ACACA: variants seen among roughly 807,000 people sequenced by gnomAD.
The protein encoded by ACACA is acetyl-CoA carboxylase 1.
In ACACA, 103 loss-of-function variants were observed where a neutral mutation model predicts 296.1. That is an observed-to-expected ratio of 0.35 (90% confidence interval 0.30 to 0.41). The LOEUF (loss-of-function observed/expected upper bound fraction) is 0.41, where lower values mean the gene tolerates loss of function less well. Among genes scored for constraint, ACACA ranks in the 10% least tolerant of loss-of-function variants. The pLI is 1.00. For missense variants in ACACA, 1,554 were observed against 2,989.7 expected, an observed-to-expected ratio of 0.52 and a Z score of 11.20; for synonymous variants, 953 against 1,038.6, an observed-to-expected ratio of 0.92 and a Z score of 1.58.
rs1171559355 is a variant in ACACA, at chr17:37,087,089, C to T, written c.*227G>A. The T allele has an allele frequency of 6.3e-6, 4 of 633,964 alleles. No individual in the cohort carries two copies. In the East Asian group the frequency reaches 1.1e-4, roughly 18 times the overall value. 39.3% of individuals were successfully genotyped at this position (633,964 alleles called of 1,614,324 possible). ...CAGGGAGTGGAGGACTAGGCCTGGC[C>T]AGGGTAATAAATACTGAATGGGGTA... On this transcript the variant is annotated 3_prime_UTR_variant, in exon 56 of 56. Coordinates refer to ENST00000616317, the MANE Select transcript of ACACA (RefSeq NM_198834.3).
At chr17:37,349,979 T>G (rs2048820972) in intron 1 of ACACA, among the ~76,000 whole-genome samples, 1 of 152,066 alleles carries the variant, frequency 6.6e-6, no homozygotes, top group South Asian at 2.1e-4. Flanking sequence ...ACTGACATCC[T>G]TGTATGATGT....
chr17:37,171,144 G>A (rs1196442131), intron 41 of ACACA, among the ~76,000 whole-genome samples: 1 of 152,148 alleles, frequency 6.6e-6, no homozygotes, highest in Non-Finnish European at 1.5e-5. Context: ...TAAAAGCCTT[G>A]CTATATTCAT....
rs397687787 is a variant in ACACA, at chr17:37,157,531, C to CTTTTTT, written c.5350-1757_5350-1752dup. Among the ~76,000 whole-genome samples the CTTTTTT allele has an allele frequency of 8.8e-4, 80 of 90,480 alleles. 2 individuals carry two copies. The highest frequency in any genetic ancestry group is 6.9e-3 in the Middle Eastern group (1 of 144). 59.4% of individuals were successfully genotyped at this position (90,480 alleles called of 152,430 possible). On this transcript the variant is annotated intron_variant, in intron 42 of 55. Transcript: ENST00000616317. ...TTATATTTTAACTAGATCATTCTAT[C>CTTTTTT]TTTTTTTTTTTTTTTTTTTTTTTGA...
At chr17:37,377,465 G>A (rs879787016) in intron 1 of ACACA, among the ~76,000 whole-genome samples, 1 of 151,964 alleles carries the variant, frequency 6.6e-6, no homozygotes, top group Non-Finnish European at 1.5e-5. Flanking sequence ...TTTGAGACCA[G>A]CATAGCCAAA....
chr17:37,405,855 CTTTTTT>C (rs3049528), intron 1 of ACACA, among the ~76,000 whole-genome samples: 31 of 53,528 alleles, frequency 5.8e-4, no homozygotes, highest in Non-Finnish European at 9.8e-4. Flanking sequence ...CCCGGCAGGG[CTTTTTT>C]TTTTTTTTTT....
At chr17:37,143,238 GTAAT>G (rs2075671540) in intron 45 of ACACA, among the ~76,000 whole-genome samples, 1 of 145,980 alleles carries the variant, frequency 6.9e-6, no homozygotes, top group Admixed American at 6.8e-5. Flanking sequence ...TAAAAAAATT[GTAAT>G]TTACTTAGAA....
At chr17:37,385,171 T>G (rs2050471111) in intron 1 of ACACA, among the ~76,000 whole-genome samples, 1 of 151,836 alleles carries the variant, frequency 6.6e-6, no homozygotes, top group South Asian at 2.1e-4. Flanking sequence ...AGCCCAGAGA[T>G]CCTTTGAAAG....
intron 48 of ACACA, chr17:37,122,880 G>A (rs559037985): frequency 8.7e-6 from 5 of 572,334 alleles, no homozygotes; most frequent in Admixed American, 2.7e-5. Flanking sequence ...TTCAAACCAA[G>A]GGCTGTTCTA....
At chr17:37,134,388 T>C (rs1357446606) in intron 45 of ACACA, among the ~76,000 whole-genome samples, 2 of 152,238 alleles carry the variant, frequency 1.3e-5, no homozygotes, top group Admixed American at 6.5e-5. Context: ...GAAATCACTA[T>C]GTAATACTGA....
chr17:37,318,761 A>G (rs2047209860), intron 3 of ACACA, among the ~76,000 whole-genome samples: 2 of 152,188 alleles, frequency 1.3e-5, no homozygotes, highest in Non-Finnish European at 2.9e-5. Flanking sequence ...TTACTATTCC[A>G]AAAGTTTCAT....
intron 1 of ACACA, among the ~76,000 whole-genome samples, chr17:37,371,618 G>A (rs771929413): frequency 5.9e-5 from 9 of 151,938 alleles, no homozygotes; most frequent in Middle Eastern, 3.2e-3. Context: ...AAACGGCCGC[G>A]GCCAGGCCGA....
At chr17:37,164,894 T>A (rs1160161947) in intron 41 of ACACA, among the ~76,000 whole-genome samples, 1 of 152,174 alleles carries the variant, frequency 6.6e-6, no homozygotes. Flanking sequence ...TGTGCTAATG[T>A]AAACATTGTG....
chr17:37,278,020 G>T lies in ACACA; in HGVS notation c.611-15C>A, dbSNP rs373654590. ...CTTAATGTATTCTGAAAATGCAAGCGAATTAATAGAGAACACATGATTTTT... is the reference window on the plus strand; with the variant it reads ...CTTAATGTATTCTGAAAATGCAAGCTAATTAATAGAGAACACATGATTTTT... On this transcript the variant is annotated splice_polypyrimidine_tract_variant and intron_variant, in intron 5 of 55. Transcript: ENST00000616317. 2 of 1,578,776 alleles carry T rather than the reference G, an allele frequency of 1.3e-6. No individual in the cohort carries two copies. The highest frequency in any genetic ancestry group is 1.7e-6 in the Non-Finnish European group (2 of 1,147,922).
In ACACA at chr17:37,248,171, A is replaced by G; in HGVS notation, c.2164-15T>C. Reference sequence around the variant, plus strand: ...TGTCGAGTCACCTGTAGGGAATGAGAATGAGGATCAGTGTGTCCCTTCCAG... The same window carrying G: ...TGTCGAGTCACCTGTAGGGAATGAGGATGAGGATCAGTGTGTCCCTTCCAG... On this transcript the variant is annotated splice_polypyrimidine_tract_variant and intron_variant, in intron 17 of 55. Transcript: ENST00000616317. The G allele has an allele frequency of 6.2e-7, 1 of 1,614,054 alleles. No homozygotes were observed. The highest frequency in any genetic ancestry group is 1.1e-5 in the South Asian group (1 of 91,068).
chr17:37,111,067 C>T (rs569326609), intron 52 of ACACA, among the ~76,000 whole-genome samples: 11 of 152,228 alleles, frequency 7.2e-5, no homozygotes, highest in African/African-American at 2.4e-4. Flanking sequence ...GCACACAGTG[C>T]GCAATCTTTA....
chr17:37,175,544 T>A (rs112700113), intron 41 of ACACA, among the ~76,000 whole-genome samples: 2,991 of 152,336 alleles, frequency 0.02, 62 homozygotes, highest in Middle Eastern at 0.065. Context: ...CACACATTCA[T>A]CTAGCTGTGT....
At chr17:37,304,611 T>C (rs992795749) in intron 3 of ACACA, among the ~76,000 whole-genome samples, 26 of 151,980 alleles carry the variant, frequency 1.7e-4, no homozygotes, top group African/African-American at 6.0e-4. Context: ...CTGACCAACG[T>C]GGAGAAACCC....
chr17:37,252,165 C>T (rs1462835456), intron 15 of ACACA, 57 bp from the exon 16 acceptor site: 2 of 1,405,928 alleles, frequency 1.4e-6, no homozygotes, highest in Non-Finnish European at 2.0e-6. Context: ...ACCACAGCCT[C>T]TCAAATGAAA....
chr17:37,108,144 C>T (rs1162807488), intron 52 of ACACA, among the ~76,000 whole-genome samples: 1 of 152,152 alleles, frequency 6.6e-6, no homozygotes, highest in East Asian at 1.9e-4. Context: ...GGGGCCTGGG[C>T]TTTGCTCACT....
Sources: gnomAD v4.1 joint callset for allele counts (sites outside exome capture counted in the v4.1 genomes callset) on GRCh38, gnomAD v4.1.1 for gene constraint, MANE v1.5 for transcripts, NCBI Gene and HGNC (gene_info 2026-07-23, HGNC 2026-07-21) for gene names.